Variants in PPP1R9B observed in about 807,000 individuals in gnomAD.
PPP1R9B encodes neurabin-2.
A neutral mutation model predicts 75.8 loss-of-function variants in PPP1R9B; 17 were observed. The observed-to-expected ratio is 0.22, with a 90% confidence interval of 0.15 to 0.34. PPP1R9B has a LOEUF of 0.34. Ranked by LOEUF, PPP1R9B falls within the 10% of genes least tolerant of loss-of-function variation. PPP1R9B has a pLI of 1.00. For synonymous variants in PPP1R9B, 509 were observed against 535.4 expected, an observed-to-expected ratio of 0.95 and a Z score of 0.68; for missense variants, 875 against 1,196.0, an observed-to-expected ratio of 0.73 and a Z score of 3.96.
chr17:50,135,545 A>T lies in PPP1R9B; in HGVS notation c.2400+8T>A. The stretch of plus-strand genomic sequence containing the variant: ...CTGGGCCCTGCCCACAGGGCGCCCC[A>T]GGCCCACCTTGTCCAGGAGCTTGTC... On this transcript the variant is annotated splice_region_variant and intron_variant, in intron 9 of 9. Transcript: ENST00000612501. The T allele has an allele frequency of 6.2e-7, 1 of 1,608,218 alleles. No individual in the cohort carries two copies. Among genetic ancestry groups the T allele is most frequent in the Non-Finnish European group, 8.5e-7 (1 of 1,176,822 alleles).
rs1912603549 is a variant in PPP1R9B, at chr17:50,149,143, T to C, written c.1371A>G (p.Gln457=). Residue 457 remains glutamine, a splice_region_variant and synonymous_variant, in exon 1 of 10, where the codon CAA becomes CAG. Transcript: ENST00000612501. This position sits in a 1 kb window ranked among gnomAD's most constrained non-coding sequence, Gnocchi z 7.2. ...RKIHFSTAPI[Q]VFSTYSNEDY... is the part of the protein sequence containing the mutation. Reference sequence around the variant, plus strand: ...GGGCAGGGCGGGGGGGCTCACTTACTTGGATGGGCGCCGTGCTGAAATGGA... The same window carrying C: ...GGGCAGGGCGGGGGGGCTCACTTACCTGGATGGGCGCCGTGCTGAAATGGA... The C allele has an allele frequency of 1.4e-6, 2 of 1,460,052 alleles. No homozygotes were observed. The highest frequency in any genetic ancestry group is 4.9e-5 in the Admixed American group (2 of 41,226). 90.4% of individuals were successfully genotyped at this position (1,460,052 alleles called of 1,614,324 possible). A position where few individuals can be genotyped will look rare whatever the true frequency, so the allele number is the denominator to read the frequency against.
At chr17:50,137,612 A>C (rs1912263720) in intron 7 of PPP1R9B, among the ~76,000 whole-genome samples, 1 of 152,042 alleles carries the variant, frequency 6.6e-6, no homozygotes, top group East Asian at 1.9e-4. Context: ...CTGGGCCCCT[A>C]ACCAGTTTGC....
intron 4 of PPP1R9B, 44 bp downstream of exon 4, chr17:50,141,225 G>T: frequency 7.5e-7 from 1 of 1,327,362 alleles, no homozygotes. Context: ...GCCTGGACGA[G>T]GACCTCCTGC....
intron 3 of PPP1R9B, 91 bp downstream of exon 3, chr17:50,143,507 C>CACACA: frequency 6.7e-7 from 1 of 1,498,982 alleles, no homozygotes; most frequent in Non-Finnish European, 9.1e-7. Context: ...CAGGGAAGGC[C>CACACA]CGCCCCACCC....
chr17:50,140,881 A>G (rs1912358474), intron 4 of PPP1R9B, among the ~76,000 whole-genome samples: 2 of 152,074 alleles, frequency 1.3e-5, no homozygotes, highest in Non-Finnish European at 1.5e-5. Flanking sequence ...CCAGGATGAC[A>G]TAGGGCTGGT....
In PPP1R9B at chr17:50,134,020, G is replaced by A. The variant is rs79483854; in HGVS notation, c.*1311C>T. The A allele has an allele frequency of 3.9e-5, 6 of 152,738 alleles. No individual in the cohort carries two copies. The highest frequency in any genetic ancestry group is 1.2e-4 in the African/African-American group (5 of 41,570). The allele number at this position is 152,738 out of a possible 1,614,324, so 9.5% of individuals were successfully genotyped here. A position where few individuals can be genotyped will look rare whatever the true frequency, so the allele number is the denominator to read the frequency against. On this transcript the variant is annotated 3_prime_UTR_variant, in exon 10 of 10. Transcript: ENST00000612501. ...GGGGTGGGGACAAGAAATACTGATC[G>A]AAGTCATGGTCTATTTACAGGGGAC...
At chr17:50,143,143 A>G (rs1018225398) in intron 3 of PPP1R9B, among the ~76,000 whole-genome samples, 1 of 152,104 alleles carries the variant, frequency 6.6e-6, no homozygotes, top group African/African-American at 2.4e-5. Context: ...CATTTATTCA[A>G]TGTCTACCTC....
intron 5 of PPP1R9B, 45 bp downstream of exon 5, chr17:50,140,048 C>A: frequency 6.2e-7 from 1 of 1,602,890 alleles, no homozygotes. Context: ...CTTCATCTAG[C>A]CACCAGGGGG....
rs989024015 is a variant in PPP1R9B at position 50,135,044 on chromosome 17, C to T, written c.*287G>A. On this transcript the variant is annotated 3_prime_UTR_variant, in exon 10 of 10. Coordinates refer to ENST00000612501, the MANE Select transcript of PPP1R9B (RefSeq NM_032595.5). ...AGTTTGATCTGCAGGTGCTTGTGTC[C>T]GTCGACCACCAGGCCAGCCCTCGGC... 19 of 493,800 alleles carry T rather than the reference C, an allele frequency of 3.8e-5. No individual in the cohort carries two copies. Among genetic ancestry groups the T allele is most frequent in the African/African-American group, 1.4e-4 (7 of 51,626 alleles). The allele number at this position is 493,800 out of a possible 1,614,324, so 30.6% of individuals were successfully genotyped here.
chr17:50,147,114 C>A (rs552728148), intron 1 of PPP1R9B, among the ~76,000 whole-genome samples: 1 of 152,356 alleles, frequency 6.6e-6, no homozygotes, highest in East Asian at 1.9e-4. Flanking sequence ...GCCCTCTTCT[C>A]TCAGCCTATC....
At chr17:50,148,335 T>C (rs1468085865) in intron 1 of PPP1R9B, among the ~76,000 whole-genome samples, 1 of 152,032 alleles carries the variant, frequency 6.6e-6, no homozygotes, top group Non-Finnish European at 1.5e-5. Flanking sequence ...GCCATGGGAG[T>C]CTGTCCTATT....
chr17:50,140,861 C>T (rs541731921), intron 4 of PPP1R9B, among the ~76,000 whole-genome samples: 29 of 152,112 alleles, frequency 1.9e-4, no homozygotes, highest in African/African-American at 6.3e-4. Context: ...AGGCCTGGGG[C>T]GGAGTCTTCC....
At position 50,150,098 on chromosome 17, in the gene PPP1R9B, TGCG is replaced by T. The variant is rs1180419470; in HGVS notation, c.413_415del (p.Pro138del). The T allele has an allele frequency of 7.2e-6, 10 of 1,396,204 alleles. No homozygotes were observed. Among genetic ancestry groups the T allele is most frequent in the South Asian group, 4.7e-5 (3 of 63,712 alleles). The allele number at this position is 1,396,204 out of a possible 1,614,324, so 86.5% of individuals were successfully genotyped here. ...CGTCTCCTGCAGCCGGGACGGCGGG[TGCG>T]GCGGCGGCGCAGGCTGCGCGGAGGG... is the stretch of plus-strand genomic sequence containing the variant. On this transcript the variant is annotated inframe_deletion, in exon 1 of 10. Transcript: ENST00000612501. This position sits in a 1 kb window ranked among gnomAD's most constrained non-coding sequence, Gnocchi z 8.7.
Position 50,139,822 on chromosome 17 carries a change from C to G in PPP1R9B, c.1867-241G>C, listed in dbSNP as rs961445606. Among the ~76,000 whole-genome samples the G allele has an allele frequency of 6.6e-6, 1 of 152,208 alleles. No individual in the cohort carries two copies. Among genetic ancestry groups the G allele is most frequent in the Non-Finnish European group, 1.5e-5 (1 of 68,032 alleles). On this transcript the variant is annotated intron_variant, in intron 5 of 9. Coordinates refer to ENST00000612501, the MANE Select transcript of PPP1R9B (RefSeq NM_032595.5). This position sits in a 1 kb window ranked among gnomAD's most constrained non-coding sequence, Gnocchi z 5.0. Reference sequence around the variant, plus strand: ...TCAGCCTGGGTCTCTGAAGAAACAGCCTGTACTATCTTTCCCCTTCTGGAT... The same window carrying G: ...TCAGCCTGGGTCTCTGAAGAAACAGGCTGTACTATCTTTCCCCTTCTGGAT...
chr17:50,135,453 C>A, intron 9 of PPP1R9B, 69 bp from the exon 10 acceptor site: 1 of 1,579,006 alleles, frequency 6.3e-7, no homozygotes, highest in South Asian at 1.1e-5. Context: ...TTCCGCCCCC[C>A]GGTGAGGACA....
rs746237721 is a variant in PPP1R9B, at chr17:50,136,136, C to T, written c.2135G>A (p.Ser712Asn). 1.9e-6 allele frequency: 3 copies of T among 1,606,986 alleles called. No individual in the cohort carries two copies. In the South Asian group the frequency reaches 3.3e-5, roughly 18 times the overall value. The change falls in exon 8 of 10, where the codon AGT (serine) becomes AAT (asparagine). Residue 712 changes from serine (S) to asparagine (N), a missense_variant. Ser to Asn is a conservative substitution (Grantham distance 46). Around this residue, in one of 4 missense-constraint regions of PPP1R9B, gnomAD observed 218 missense variants for 334.6 expected, o/e 0.65. Transcript: ENST00000612501. ...WRVEKAQLEQ[S>N]VEENKERMEK... ...CATGCGCTCCTTGTTCTCCTCCACA[C>T]TCTGCTCCAACTGCGCCTTCTCCAC...
chr17:50,143,740 G>A, intron 2 of PPP1R9B, 22 bp from the exon 3 acceptor site: 1 of 1,613,548 alleles, frequency 6.2e-7, no homozygotes, highest in South Asian at 1.1e-5. Context: ...AGAGTGGTGA[G>A]ATGGCAGGGC....
At chr17:50,140,948 C>G (rs1567728525) in intron 4 of PPP1R9B, among the ~76,000 whole-genome samples, 1 of 152,128 alleles carries the variant, frequency 6.6e-6, no homozygotes, top group Non-Finnish European at 1.5e-5. Context: ...AGCATTCACC[C>G]TGGACGTCCT....
rs768419825 is a variant in PPP1R9B at position 50,149,545 on chromosome 17, A to G, written c.969T>C (p.Val323=). The G allele has an allele frequency of 4.0e-5, 63 of 1,590,126 alleles. No homozygotes were observed. Among genetic ancestry groups the G allele is most frequent in the Non-Finnish European group, 3.4e-6 (4 of 1,170,962 alleles). Residue 323 remains valine (V), a synonymous_variant, in exon 1 of 10, where the codon GTT becomes GTC. Coordinates refer to ENST00000612501, the MANE Select transcript of PPP1R9B (RefSeq NM_032595.5). The surrounding 1 kb of genome is among the most constrained non-coding windows in gnomAD (Gnocchi z 7.2). ...CATTCTCCAGGGCCGCGTGGACCGT[A>G]ACCTCGGCCTGGATCACCTCCCCGG... ...SAPGEVIQAE[V]TVHAALENGS...
Sources: allele counts gnomAD v4.1 joint callset (sites outside exome capture counted in the v4.1 genomes callset), GRCh38; gene constraint gnomAD v4.1.1; regional missense constraint gnomAD v4.1.1; non-coding constraint Gnocchi (gnomAD v3.1); transcripts MANE v1.5; gene names NCBI Gene and HGNC (gene_info 2026-07-23, HGNC 2026-07-21).